Variants in FUBP3 observed in about 807,000 individuals in gnomAD.
FUBP3 encodes far upstream element-binding protein 3.
FUBP3 carries 28 observed loss-of-function variants against 85.6 expected under a neutral mutation model. The ratio of observed to expected loss-of-function variants is 0.33; its 90% CI spans 0.24 to 0.45. The LOEUF is 0.45. Among genes scored for constraint, FUBP3 ranks in the 20% least tolerant of loss-of-function variants. FUBP3 has a pLI of 1.00. For synonymous variants in FUBP3, 271 were observed against 271.4 expected (o/e 1.00, Z 0.01); for missense variants, 583 against 755.1 (o/e 0.77, Z 2.67).
chr9:130,625,311 C>T (rs999220891), intron 11 of FUBP3, among the ~76,000 whole-genome samples: 19 of 152,206 alleles, frequency 1.2e-4, no homozygotes, highest in African/African-American at 4.6e-4. Context: ...ACTGTGCGCT[C>T]CTGTGCGTGT....
At position 130,613,554 on chromosome 9, in the gene FUBP3, T is replaced by G. The variant is rs566890335; in HGVS notation, c.346+527T>G. ...GGAGAGAGATGGAGTGAAGAACAAT[T>G]TTTTATTTTATTTATGGTTTTGTCA... On this transcript the variant is annotated intron_variant, in intron 5 of 18. Coordinates refer to ENST00000319725, the MANE Select transcript of FUBP3 (RefSeq NM_003934.2). Among the ~76,000 whole-genome samples the G allele has an allele frequency of 5.3e-5, 8 of 152,288 alleles. No homozygotes were observed. In the South Asian group the frequency reaches 1.7e-3, roughly 32 times the overall value.
Position 130,616,333 on chromosome 9 carries a change from G to A in FUBP3, c.405-22G>A, listed in dbSNP as rs751605740. On this transcript the variant is annotated intron_variant, in intron 6 of 18. Transcript: ENST00000319725. This position sits in a 1 kb window ranked among gnomAD's most constrained non-coding sequence, Gnocchi z 4.7. ...GCCTCCATTTAATGCTGGTTCTCTT[G>A]TGGTTCTTTTCCCTCCCAAAGACAA... The A allele has an allele frequency of 1.9e-6, 3 of 1,613,040 alleles. No individual in the cohort carries two copies. The highest frequency in any genetic ancestry group is 2.2e-5 in the South Asian group (2 of 91,050).
chr9:130,626,321 T>A (rs764211869), intron 11 of FUBP3, 43 bp from the exon 12 acceptor site: 25 of 1,584,554 alleles, frequency 1.6e-5, no homozygotes, highest in Non-Finnish European at 2.1e-5. Context: ...GCAGTGGTGC[T>A]GTGGCAGTGG....
At chr9:130,599,680 A>G (rs945046463) in intron 2 of FUBP3, among the ~76,000 whole-genome samples, 5 of 152,058 alleles carry the variant, frequency 3.3e-5, no homozygotes, top group East Asian at 1.9e-4. Flanking sequence ...CTTGATACCC[A>G]CATGTTCCAG....
chr9:130,616,877 GATT>G lies in FUBP3; in HGVS notation c.567+361_567+363del, dbSNP rs1832034003. Among the ~76,000 whole-genome samples the G allele has an allele frequency of 6.6e-6, 1 of 152,240 alleles. No individual in the cohort carries two copies. The highest frequency in any genetic ancestry group is 2.4e-5 in the African/African-American group (1 of 41,468). The stretch of plus-strand genomic sequence containing the variant: ...CTCTGACCCAGCATTCTTCCTCACT[GATT>G]GATCTTAAATGTGCTCATTTACTTT... On this transcript the variant is annotated intron_variant, in intron 7 of 18. Transcript: ENST00000319725. The surrounding 1 kb of genome is among the most constrained non-coding windows in gnomAD (Gnocchi z 4.7).
At chr9:130,584,203 T>C (rs1830247909) in intron 1 of FUBP3, among the ~76,000 whole-genome samples, 1 of 152,198 alleles carries the variant, frequency 6.6e-6, no homozygotes, top group South Asian at 2.1e-4. Flanking sequence ...CATGCTTTGT[T>C]TGACCCACCC....
chr9:130,589,705 A>ATATT (rs1414691549), intron 1 of FUBP3, among the ~76,000 whole-genome samples: 147 of 73,724 alleles, frequency 2.0e-3, no homozygotes, highest in Non-Finnish European at 2.8e-3. Context: ...ATATATATAT[A>ATATT]TTTTTTTTTT....
intron 7 of FUBP3, among the ~76,000 whole-genome samples, chr9:130,617,357 CAG>C (rs1832060680): frequency 6.6e-6 from 1 of 152,164 alleles, no homozygotes; most frequent in Non-Finnish European, 1.5e-5. Context: ...AATGTAGACT[CAG>C]GGAGTTTATC....
chr9:130,597,434 C>T (rs928834720), intron 2 of FUBP3, among the ~76,000 whole-genome samples: 2 of 152,212 alleles, frequency 1.3e-5, no homozygotes, highest in South Asian at 4.1e-4. Flanking sequence ...GCTACACAGC[C>T]TTTGGAAATC....
rs1394518583 is a variant in FUBP3 at position 130,587,060 on chromosome 9, T to TTTG, written c.84+7298_84+7299insGTT. On this transcript the variant is annotated intron_variant, in intron 1 of 18. Coordinates refer to ENST00000319725, the MANE Select transcript of FUBP3 (RefSeq NM_003934.2). Reference sequence around the variant, plus strand: ...CACTGCACCCGGCGTTTTTTGTTTTTTTTTTTTGTTTGTTTGTTTTTTTGA... The same window carrying TTTG: ...CACTGCACCCGGCGTTTTTTGTTTTTTTGTTTTTTTGTTTGTTTGTTTTTTTGA... 8.9e-4 allele frequency among the ~76,000 whole-genome samples: 111 copies of TTTG among 125,346 alleles called. 1 individual carries two copies. The highest frequency in any genetic ancestry group is 4.0e-3 in the African/African-American group (103 of 25,536). 82.2% of individuals were successfully genotyped at this position (125,346 alleles called of 152,430 possible).
intron 5 of FUBP3, 70 bp downstream of exon 5, chr9:130,613,097 TA>T: frequency 1.0e-6 from 1 of 971,816 alleles, no homozygotes; most frequent in South Asian, 1.3e-5. Context: ...CCAGATTCGG[TA>T]CTTTGCTTGT....
chr9:130,579,694 T>G lies in FUBP3; in HGVS notation c.14T>G (p.Val5Gly). The change falls in exon 1 of 19, where the codon GTG (valine) becomes GGG (glycine). Residue 5 changes from valine (V) to glycine (G), a missense_variant. This residue lies in a region of FUBP3 where 177 missense variants were observed against 221.9 expected (regional missense o/e 0.80). Coordinates refer to ENST00000319725, the MANE Select transcript of FUBP3 (RefSeq NM_003934.2). MAEL[V>G]QGQSAPVGMK... Reference sequence around the variant, plus strand: ...GCGGGGGCGGTAATGGCGGAGCTGGTGCAGGGGCAGAGCGCTCCTGTGGGG... The same window carrying G: ...GCGGGGGCGGTAATGGCGGAGCTGGGGCAGGGGCAGAGCGCTCCTGTGGGG... 7.9e-7 allele frequency: 1 copy of G among 1,258,326 alleles called. No homozygotes were observed. Among genetic ancestry groups the G allele is most frequent in the Non-Finnish European group, 1.0e-6 (1 of 999,244 alleles). The allele number at this position is 1,258,326 out of a possible 1,614,324, so 77.9% of individuals were successfully genotyped here. A position where few individuals can be genotyped will look rare whatever the true frequency, so the allele number is the denominator to read the frequency against.
rs143454065 is a variant in FUBP3, at chr9:130,595,729, T to C, written c.190+141T>C. On this transcript the variant is annotated intron_variant, in intron 2 of 18. Transcript: ENST00000319725. The stretch of plus-strand genomic sequence containing the variant: ...GGTTGAAGGGAAGTATTTAGGATGA[T>C]TTTTCTCAGCAGTTCTTCAGCATTT... 2.3e-5 allele frequency: 15 copies of C among 646,850 alleles called. No homozygotes were observed. In the East Asian group the frequency reaches 4.0e-4, roughly 17 times the overall value. 40.1% of individuals were successfully genotyped at this position (646,850 alleles called of 1,614,324 possible).
At position 130,635,859 on chromosome 9, in the gene FUBP3, C is replaced by A; in HGVS notation, c.1583-140C>A. 1 of 820,450 alleles carries A rather than the reference C, an allele frequency of 1.2e-6. No homozygotes were observed. The highest frequency in any genetic ancestry group is 1.9e-6 in the Non-Finnish European group (1 of 517,336). 50.8% of individuals were successfully genotyped at this position (820,450 alleles called of 1,614,324 possible). A position where few individuals can be genotyped will look rare whatever the true frequency, so the allele number is the denominator to read the frequency against. On this transcript the variant is annotated intron_variant, in intron 17 of 18. Transcript: ENST00000319725. This position sits in a 1 kb window ranked among gnomAD's most constrained non-coding sequence, Gnocchi z 4.3. ...TTTTGTAGCAAGCGCTCCTGCAACA[C>A]CAGCCTCACCTCACTGCCTCCCAGA...
Position 130,624,606 on chromosome 9 carries a change from ATT to A in FUBP3, c.975+898_975+899del, listed in dbSNP as rs3223727. 3.3e-4 allele frequency among the ~76,000 whole-genome samples: 44 copies of A among 134,386 alleles called. No homozygotes were observed. In the East Asian group the frequency reaches 4.5e-3, roughly 14 times the overall value. The allele number at this position is 134,386 out of a possible 152,430, so 88.2% of individuals were successfully genotyped here. On this transcript the variant is annotated intron_variant, in intron 11 of 18. Coordinates refer to ENST00000319725, the MANE Select transcript of FUBP3 (RefSeq NM_003934.2). ...ATAAACTTTCTTAAAATGTTACAAG[ATT>A]TTGTGTGTGTGTGTGTGTGTGTGTG...
rs373265804 is a variant in FUBP3, at chr9:130,635,760, CAG to C, written c.1583-233_1583-232del. On this transcript the variant is annotated intron_variant, in intron 17 of 18. Transcript: ENST00000319725. This position sits in a 1 kb window ranked among gnomAD's most constrained non-coding sequence, Gnocchi z 4.3. ...GGGAGATGCAGAGAATGCGCTTCCGCAGAGAGAAGGCAGGCGTGAGGATTGGT... is the reference window on the plus strand; with the variant it reads ...GGGAGATGCAGAGAATGCGCTTCCGCAGAGAAGGCAGGCGTGAGGATTGGT... 7 of 493,936 alleles carry C rather than the reference CAG, an allele frequency of 1.4e-5. No homozygotes were observed. In the South Asian group the frequency reaches 2.3e-4, roughly 16 times the overall value. 30.6% of individuals were successfully genotyped at this position (493,936 alleles called of 1,614,324 possible). A position where few individuals can be genotyped will look rare whatever the true frequency, so the allele number is the denominator to read the frequency against.
At position 130,635,109 on chromosome 9, in the gene FUBP3, G is replaced by C. The variant is rs937975580; in HGVS notation, c.1582+371G>C. On this transcript the variant is annotated intron_variant, in intron 17 of 18. Transcript: ENST00000319725. This position sits in a 1 kb window ranked among gnomAD's most constrained non-coding sequence, Gnocchi z 4.3. ...ACCTGGCCGGCAAACAGACCAACCA[G>C]ACATCTTGTTCTCTGTCTTGGTGCT... Among the ~76,000 whole-genome samples the C allele has an allele frequency of 6.6e-6, 1 of 152,180 alleles. No homozygotes were observed. Among genetic ancestry groups the C allele is most frequent in the Admixed American group, 6.5e-5 (1 of 15,280 alleles).
At chr9:130,592,806 A>G (rs570046212) in intron 1 of FUBP3, among the ~76,000 whole-genome samples, 5 of 152,220 alleles carry the variant, frequency 3.3e-5, no homozygotes, top group South Asian at 2.1e-4. Flanking sequence ...GACCTCCCAA[A>G]GTGCTGGAGT....
chr9:130,595,147 A>G (rs1440276552), intron 1 of FUBP3, among the ~76,000 whole-genome samples: 2 of 149,522 alleles, frequency 1.3e-5, no homozygotes, highest in Admixed American at 6.7e-5. Flanking sequence ...AATCGCTTGA[A>G]CCCGGGAGGC....
Sources: gnomAD v4.1 joint callset for allele counts (sites outside exome capture counted in the v4.1 genomes callset) on GRCh38, gnomAD v4.1.1 for gene constraint, gnomAD v4.1.1 regional missense constraint, Gnocchi (gnomAD v3.1) non-coding constraint, MANE v1.5 for transcripts, NCBI Gene and HGNC (gene_info 2026-07-23, HGNC 2026-07-21) for gene names.